The following SULF1 variants were observed in gnomAD, a reference collection of about 807,000 sequenced individuals.
SULF1 encodes the protein sulfatase 1.
A neutral mutation model predicts 110.5 loss-of-function variants in SULF1; 46 were observed. The observed-to-expected ratio is 0.42, with a 90% CI of 0.33 to 0.53. The LOEUF is 0.53. Ranked by LOEUF, SULF1 falls within the 20% of genes least tolerant of loss-of-function variation. SULF1 has a pLI of 0.12. For synonymous variants in SULF1, 371 were observed against 387.1 expected, an observed-to-expected ratio of 0.96 and a Z score of 0.49; for missense variants, 941 against 1,094.2, an observed-to-expected ratio of 0.86 and a Z score of 1.98.
intron 6 of SULF1, among the ~76,000 whole-genome samples, chr8:69,578,885 T>C (rs1321996482): frequency 6.6e-6 from 1 of 152,122 alleles, no homozygotes; most frequent in Admixed American, 6.5e-5. Context: ...GAAAAGGGGC[T>C]GGGTGCGGTG....
At chr8:69,515,790 G>T (rs1811885723) in intron 3 of SULF1, among the ~76,000 whole-genome samples, 1 of 152,154 alleles carries the variant, frequency 6.6e-6, no homozygotes, top group Non-Finnish European at 1.5e-5. Context: ...AATTTCTTCT[G>T]CCAGATATCC....
chr8:69,582,891 G>T (rs1343525371), intron 6 of SULF1, among the ~76,000 whole-genome samples: 1 of 152,120 alleles, frequency 6.6e-6, no homozygotes, highest in Non-Finnish European at 1.5e-5. Context: ...ATCATCTTGT[G>T]GTTCTATGTG....
At chr8:69,628,089 A>G (rs183039746) in intron 17 of SULF1, 82 bp from the exon 18 acceptor site, 99 of 1,203,402 alleles carry the variant, frequency 8.2e-5, no homozygotes, top group Non-Finnish European at 9.7e-5. Context: ...CCTTCTTTCT[A>G]TTTTGCTTTC....
chr8:69,570,352 T>A (rs1314410731), intron 5 of SULF1, among the ~76,000 whole-genome samples: 1 of 152,220 alleles, frequency 6.6e-6, no homozygotes, highest in African/African-American at 2.4e-5. Context: ...CAAACAGGTT[T>A]GATGAAATTT....
intron 1 of SULF1, among the ~76,000 whole-genome samples, chr8:69,483,492 A>T (rs1363727387): frequency 6.6e-6 from 1 of 152,164 alleles, no homozygotes; most frequent in African/African-American, 2.4e-5. Context: ...CCAAGAGAGA[A>T]TACTGGAAAG....
chr8:69,478,713 T>C (rs1264242637), intron 1 of SULF1, among the ~76,000 whole-genome samples: 1 of 152,206 alleles, frequency 6.6e-6, no homozygotes, highest in Non-Finnish European at 1.5e-5. Flanking sequence ...TAATTTTAGC[T>C]CTTAATTATG....
intron 13 of SULF1, among the ~76,000 whole-genome samples, chr8:69,613,830 C>T (rs1322064645): frequency 6.6e-6 from 1 of 152,064 alleles, no homozygotes; most frequent in Non-Finnish European, 1.5e-5. Flanking sequence ...CTTAGAACTT[C>T]AAAACACTCA....
chr8:69,587,646 T>A (rs1806569634), intron 7 of SULF1, among the ~76,000 whole-genome samples: 1 of 152,206 alleles, frequency 6.6e-6, no homozygotes, highest in South Asian at 2.1e-4. Flanking sequence ...TATCCCCAGC[T>A]GTGGATACAA....
chr8:69,637,787 A>T (rs1051358591), intron 19 of SULF1: 10 of 152,352 alleles, frequency 6.6e-5, no homozygotes, highest in African/African-American at 2.4e-4. Context: ...CTTAAAAAAT[A>T]CTTGTTAGGC....
rs572094798 is a variant in SULF1 at position 69,479,091 on chromosome 8, C to T, written c.-391+12141C>T. Reference sequence around the variant, plus strand: ...ACATCACTCTCCAGGGCTGCATTTGCGCCAGCTGGATTCCATCCAGAAACA... The same window carrying T: ...ACATCACTCTCCAGGGCTGCATTTGTGCCAGCTGGATTCCATCCAGAAACA... On this transcript the variant is annotated intron_variant, in intron 1 of 22. Coordinates refer to the SULF1 transcript ENST00000260128. Among the ~76,000 whole-genome samples, 10 of 152,264 alleles carry T rather than the reference C, an allele frequency of 6.6e-5. No individual in the cohort carries two copies. The South Asian group carries it at 1.2e-3, about 19-fold the overall frequency.
intron 3 of SULF1, among the ~76,000 whole-genome samples, chr8:69,533,549 C>T (rs1167880639): frequency 2.6e-5 from 4 of 152,256 alleles, no homozygotes; most frequent in South Asian, 2.1e-4. Flanking sequence ...TAATGGCTTC[C>T]AGCTCCATCC....
At position 69,472,518 on chromosome 8, in the gene SULF1, A is replaced by G. The variant is rs554664013; in HGVS notation, c.-391+5568A>G. Reference sequence around the variant, plus strand: ...GGGCAGCTGACTGTGAAATTCTCTAACAAGGCACTGAATGCCACTTAGCAA... The same window carrying G: ...GGGCAGCTGACTGTGAAATTCTCTAGCAAGGCACTGAATGCCACTTAGCAA... On this transcript the variant is annotated intron_variant, in intron 1 of 22. Transcript: ENST00000260128. Among the ~76,000 whole-genome samples, 5 of 152,304 alleles carry G rather than the reference A, an allele frequency of 3.3e-5. No homozygotes were observed. In the South Asian group the frequency reaches 1.0e-3, roughly 32 times the overall value.
chr8:69,509,656 A>G (rs1420352223), intron 3 of SULF1, among the ~76,000 whole-genome samples: 1 of 152,198 alleles, frequency 6.6e-6, no homozygotes, highest in African/African-American at 2.4e-5. Context: ...TGGATTCCCC[A>G]AACAGCAGCC....
At chr8:69,613,040 G>C (rs1808786122) in intron 13 of SULF1, among the ~76,000 whole-genome samples, 2 of 152,032 alleles carry the variant, frequency 1.3e-5, no homozygotes, top group Admixed American at 1.3e-4. Flanking sequence ...TGTAACGTGA[G>C]AGATAGGAAT....
intron 3 of SULF1, among the ~76,000 whole-genome samples, chr8:69,562,231 CGTGT>C (rs111266347): frequency 6.6e-6 from 1 of 152,122 alleles, no homozygotes; most frequent in Admixed American, 6.5e-5. Context: ...AATGGGGATA[CGTGT>C]GTGTGTTTGT....
intron 22 of SULF1, among the ~76,000 whole-genome samples, chr8:69,653,188 G>A (rs1812481912): frequency 6.6e-6 from 1 of 152,062 alleles, no homozygotes; most frequent in Admixed American, 6.6e-5. Flanking sequence ...TCCCACCTCA[G>A]CCTTCTGAGT....
intron 5 of SULF1, among the ~76,000 whole-genome samples, chr8:69,566,152 G>A (rs894593046): frequency 1.3e-5 from 2 of 151,966 alleles, no homozygotes; most frequent in Non-Finnish European, 2.9e-5. Context: ...GAGCAAGGGT[G>A]TGTTTTATGT....
At chr8:69,592,193 C>T (rs553870750) in intron 8 of SULF1, among the ~76,000 whole-genome samples, 3 of 152,190 alleles carry the variant, frequency 2.0e-5, no homozygotes, top group Admixed American at 1.3e-4. Context: ...GGCAAGGACA[C>T]GTGGTCACTG....
chr8:69,580,040 A>G (rs1374946614), intron 6 of SULF1, among the ~76,000 whole-genome samples: 1 of 152,226 alleles, frequency 6.6e-6, no homozygotes, highest in Non-Finnish European at 1.5e-5. Context: ...TCCAGAATCC[A>G]TGGATTTAAA....
Sources: gnomAD v4.1 joint callset for allele counts (sites outside exome capture counted in the v4.1 genomes callset) on GRCh38, gnomAD v4.1.1 for gene constraint, MANE v1.5 for transcripts, NCBI Gene and HGNC (gene_info 2026-07-23, HGNC 2026-07-21) for gene names.